Variants in SLC25A26 observed in about 807,000 individuals in gnomAD.
SLC25A26 encodes solute carrier family 25 member 26, also known as mitochondrial S-adenosylmethionine carrier protein.
In SLC25A26, 36 loss-of-function variants were observed where a neutral mutation model predicts 37.8. The ratio of observed to expected loss-of-function variants is 0.95; its 90% confidence interval spans 0.73 to 1.26. SLC25A26 has a LOEUF of 1.26. Among genes scored for constraint, SLC25A26 ranks in the 50% most tolerant of loss-of-function variants. The pLI is 0.00. For synonymous variants in SLC25A26, 129 were observed against 122.5 expected, an observed-to-expected ratio of 1.05 and a Z score of -0.35; for missense variants, 390 against 331.1, an observed-to-expected ratio of 1.18 and a Z score of -1.38.
intron 5 of SLC25A26, among the ~76,000 whole-genome samples, chr3:66,315,648 T>G (rs1207178774): frequency 1.1e-4 from 17 of 152,202 alleles, no homozygotes; most frequent in Non-Finnish European, 2.5e-4. Flanking sequence ...GATCCAGAGC[T>G]GAGTTCAGGT....
At chr3:66,185,529 T>C (rs2070810090) in intron 1 of SLC25A26, among the ~76,000 whole-genome samples, 1 of 152,170 alleles carries the variant, frequency 6.6e-6, no homozygotes, top group Non-Finnish European at 1.5e-5. Context: ...CCATATTGTT[T>C]TCCATAGCGG....
At chr3:66,369,413 T>C (rs1230902621) in intron 7 of SLC25A26, 65 bp from the exon 8 acceptor site, 2 of 1,412,956 alleles carry the variant, frequency 1.4e-6, no homozygotes, top group East Asian at 5.0e-5. Context: ...AGTCAGGAAT[T>C]CTAAAAATTA....
In SLC25A26 at chr3:66,347,078, C is replaced by T. The variant is rs147816656; in HGVS notation, c.498+670C>T. ...ATGGACATGGGCAAATATTTCATGACGAAAACATCAAAAGCAATTGCAACA... is the reference window on the plus strand; with the variant it reads ...ATGGACATGGGCAAATATTTCATGATGAAAACATCAAAAGCAATTGCAACA... On this transcript the variant is annotated intron_variant, in intron 6 of 9. Transcript: ENST00000354883. Among the ~76,000 whole-genome samples the T allele has an allele frequency of 4.5e-3, 680 of 151,928 alleles. 2 individuals carry two copies. Among genetic ancestry groups the T allele is most frequent in the Non-Finnish European group, 7.5e-3 (507 of 67,950 alleles).
At chr3:66,271,243 G>T (rs978630379) in intron 5 of SLC25A26, among the ~76,000 whole-genome samples, 1 of 152,146 alleles carries the variant, frequency 6.6e-6, no homozygotes, top group Non-Finnish European at 1.5e-5. Flanking sequence ...TCAAATAACA[G>T]AAAATTTGAC....
chr3:66,362,801 G>C (rs1222309118), intron 6 of SLC25A26, 59 bp from the exon 7 acceptor site: 13 of 1,239,424 alleles, frequency 1.0e-5, no homozygotes, highest in Non-Finnish European at 1.4e-5. Flanking sequence ...TAACCCACAG[G>C]AGGTTCCGAT....
At chr3:66,192,071 C>T (rs1489736290) in intron 1 of SLC25A26, among the ~76,000 whole-genome samples, 3 of 151,970 alleles carry the variant, frequency 2.0e-5, no homozygotes, top group African/African-American at 7.3e-5. Flanking sequence ...AATCCCAGCA[C>T]TTTGAGAGGC....
intron 5 of SLC25A26, among the ~76,000 whole-genome samples, chr3:66,330,922 T>C (rs1487120705): frequency 2.6e-5 from 4 of 152,092 alleles, no homozygotes; most frequent in Non-Finnish European, 5.9e-5. Context: ...CATGGGAAAA[T>C]CTTGGTTACT....
Position 66,364,728 on chromosome 3 carries a change from C to G in SLC25A26, c.568+1799C>G, listed in dbSNP as rs868308151. ...CTAACATCCAGAAAATGAAAACCTA[C>G]TTTCACAGTAATTCATCTTCTTGAT... is the stretch of plus-strand genomic sequence containing the variant. On this transcript the variant is annotated intron_variant, in intron 7 of 9. Coordinates refer to ENST00000354883, the MANE Select transcript of SLC25A26 (RefSeq NM_001379210.1). Among the ~76,000 whole-genome samples, 97 of 152,192 alleles carry G rather than the reference C, an allele frequency of 6.4e-4. 1 individual carries two copies. Among genetic ancestry groups the G allele is most frequent in the Non-Finnish European group, 1.5e-4 (10 of 68,032 alleles).
At chr3:66,267,912 T>C (rs1476995853) in intron 5 of SLC25A26, among the ~76,000 whole-genome samples, 1 of 152,190 alleles carries the variant, frequency 6.6e-6, no homozygotes, top group Non-Finnish European at 1.5e-5. Context: ...CCTTCAGCGA[T>C]CAAGCGTCAA....
intron 5 of SLC25A26, among the ~76,000 whole-genome samples, chr3:66,316,619 A>G (rs1348259771): frequency 1.3e-5 from 2 of 151,970 alleles, no homozygotes; most frequent in African/African-American, 4.8e-5. Context: ...TCATGGAGTT[A>G]TCTTCCTGGG....
Position 66,292,570 on chromosome 3 carries a change from T to C in SLC25A26, c.453+29191T>C, listed in dbSNP as rs550931856. Among the ~76,000 whole-genome samples the C allele has an allele frequency of 1.6e-4, 24 of 152,284 alleles. No individual in the cohort carries two copies. The South Asian group carries it at 4.4e-3, about 28-fold the overall frequency. On this transcript the variant is annotated intron_variant, in intron 5 of 9. Transcript: ENST00000354883. ...CTTTGCTTATGAAGCTTAGTTCGGC[T>C]GGATTTGAAATTCTGGGTTGAAAAT... is the stretch of plus-strand genomic sequence containing the variant.
intron 9 of SLC25A26, among the ~76,000 whole-genome samples, chr3:66,377,107 T>C (rs778845418): frequency 6.6e-6 from 1 of 152,182 alleles, no homozygotes; most frequent in Non-Finnish European, 1.5e-5. Context: ...CCTCGTGGCA[T>C]TGTAGTTTTA....
chr3:66,375,159 A>G (rs1700573794), intron 9 of SLC25A26, among the ~76,000 whole-genome samples: 1 of 152,206 alleles, frequency 6.6e-6, no homozygotes, highest in Non-Finnish European at 1.5e-5. Context: ...AATCCAGAGC[A>G]AGGCATTAAC....
At chr3:66,236,470 G>A (rs2072290827) in intron 1 of SLC25A26, 74 bp from the exon 2 acceptor site, 11 of 1,214,444 alleles carry the variant, frequency 9.1e-6, no homozygotes, top group Admixed American at 2.8e-5. Context: ...TCCTATCTTC[G>A]CCCCCAAGTG....
chr3:66,326,259 G>A (rs534082887), intron 5 of SLC25A26, among the ~76,000 whole-genome samples: 2 of 152,228 alleles, frequency 1.3e-5, no homozygotes, highest in South Asian at 2.1e-4. Flanking sequence ...TACCCAAATC[G>A]AAAGGATATT....
At chr3:66,197,442 G>C (rs1287460923) in intron 1 of SLC25A26, among the ~76,000 whole-genome samples, 7 of 152,138 alleles carry the variant, frequency 4.6e-5, no homozygotes, top group Non-Finnish European at 7.4e-5. Flanking sequence ...ATAAGTCTCA[G>C]GCTCAGCTTC....
chr3:66,288,420 A>G (rs1214948755), intron 5 of SLC25A26, among the ~76,000 whole-genome samples: 2 of 152,124 alleles, frequency 1.3e-5, no homozygotes, highest in African/African-American at 4.8e-5. Flanking sequence ...GTTTGCTGCA[A>G]CCATCAACCC....
At chr3:66,178,970 G>T (rs1162392005) in intron 1 of SLC25A26, among the ~76,000 whole-genome samples, 1 of 152,098 alleles carries the variant, frequency 6.6e-6, no homozygotes, top group Admixed American at 6.5e-5. Context: ...GCTTTGGGGA[G>T]GCAGACAGGA....
chr3:66,263,231 T>G, intron 4 of SLC25A26, 101 bp from the exon 5 acceptor site: 1 of 806,370 alleles, frequency 1.2e-6, no homozygotes, highest in Non-Finnish European at 2.1e-6. Context: ...ATTGTGAATG[T>G]TCTAGAACTC....
Sources: allele counts gnomAD v4.1 joint callset (sites outside exome capture counted in the v4.1 genomes callset), GRCh38; gene constraint gnomAD v4.1.1; transcripts MANE v1.5; gene names NCBI Gene and HGNC (gene_info 2026-07-23, HGNC 2026-07-21).